ROS1: variants seen among roughly 807,000 people sequenced by gnomAD.
ROS1 encodes the protein ROS proto-oncogene 1, receptor tyrosine kinase.
Under a neutral mutation model 273.5 loss-of-function variants are expected in ROS1, and 263 were observed. The ratio of observed to expected loss-of-function variants is 0.96; its 90% CI spans 0.87 to 1.06. ROS1 has a LOEUF of 1.06. Among genes scored for constraint, ROS1 ranks in the 50% least tolerant of loss-of-function variants. The probability of loss-of-function intolerance (pLI) is 0.00; values close to 1 mark genes in which losing one functional copy is unlikely to be tolerated. For synonymous variants in ROS1, 1,008 were observed against 954.1 expected (o/e 1.06, Z -1.04); for missense variants, 2,833 against 2,751.1 (o/e 1.03, Z -0.67).
At chr6:117,311,478 T>C (rs1001426865) in intron 39 of ROS1, among the ~76,000 whole-genome samples, 2 of 152,146 alleles carry the variant, frequency 1.3e-5, no homozygotes, top group South Asian at 4.1e-4. Context: ...AAATTTCTCA[T>C]GTGTAAAATG....
At chr6:117,308,447 C>T (rs775298918) in intron 42 of ROS1, among the ~76,000 whole-genome samples, 4 of 151,788 alleles carry the variant, frequency 2.6e-5, no homozygotes, top group Non-Finnish European at 5.9e-5. Flanking sequence ...ATCATATCTC[C>T]CAAAATAAAA....
At position 117,326,324 on chromosome 6, in the gene ROS1, G is replaced by T. The variant is rs2128581997; in HGVS notation, c.5439C>A (p.Ser1813=). ...ACTGAAATATTCCTTTCAGGTTTTT[G>T]GACTTCCATGTGCAAACACTACTGC... ...GSCSSVCTWK[S]KNLKGIFQFR... is the part of the protein sequence containing the mutation. Residue 1813 remains serine (S), a synonymous_variant, in exon 34 of 44, where the codon TCC becomes TCA. Transcript: ENST00000368507. 1 of 1,601,494 alleles carries T rather than the reference G, an allele frequency of 6.2e-7. No homozygotes were observed. Among genetic ancestry groups the T allele is most frequent in the East Asian group, 2.3e-5 (1 of 43,918 alleles).
At chr6:117,297,806 T>C (rs188091680) in intron 43 of ROS1, among the ~76,000 whole-genome samples, 24 of 152,268 alleles carry the variant, frequency 1.6e-4, no homozygotes, top group Admixed American at 1.6e-3. Context: ...CGGAAAACAG[T>C]ATGGAGATTT....
intron 37 of ROS1, 117 bp downstream of exon 37, chr6:117,319,751 C>T: frequency 2.3e-6 from 2 of 870,398 alleles, no homozygotes; most frequent in Admixed American, 4.7e-5. Flanking sequence ...TAGGCTTCGA[C>T]ATTCAACCAG....
intron 2 of ROS1, 139 bp from the exon 3 acceptor site, chr6:117,416,456 C>T (rs540600024): frequency 7.8e-6 from 5 of 641,674 alleles, no homozygotes; most frequent in Non-Finnish European, 1.4e-5. Context: ...CTGAGGCCTC[C>T]AAAAGATCCA....
chr6:117,289,220 T>A (rs1057466127), intron 43 of ROS1, among the ~76,000 whole-genome samples: 1 of 152,226 alleles, frequency 6.6e-6, no homozygotes, highest in Non-Finnish European at 1.5e-5. Context: ...CCACAGCAAC[T>A]GAAATATCTA....
At chr6:117,332,092 T>C (rs1777115309) in intron 32 of ROS1, among the ~76,000 whole-genome samples, 1 of 150,812 alleles carries the variant, frequency 6.6e-6, no homozygotes, top group South Asian at 2.1e-4. Flanking sequence ...ATTCAGGAGA[T>C]CTATCTTACA....
chr6:117,359,168 G>A (rs1417754823), intron 24 of ROS1, among the ~76,000 whole-genome samples: 1 of 152,046 alleles, frequency 6.6e-6, no homozygotes, highest in East Asian at 1.9e-4. Flanking sequence ...TTGTTTCCAA[G>A]ATGTTTTTCC....
In ROS1 at chr6:117,396,951, A is replaced by T. The variant is rs759261834; in HGVS notation, c.770T>A (p.Phe257Tyr). The change falls in exon 8 of 44, where the codon TTC (phenylalanine) becomes TAC (tyrosine). Residue 257 changes from phenylalanine (F) to tyrosine (Y), a missense_variant. Coordinates refer to ENST00000368507, the MANE Select transcript of ROS1 (RefSeq NM_001378902.1). ...ATTTGGTAAAGTGGAGTAAAACTGG[A>T]AACTGGTTCTCTGTGTCCCTGCATC... ...KLDAGTQRTS[F>Y]QFYSTLPNTI... The T allele has an allele frequency of 3.1e-6, 5 of 1,614,108 alleles. No individual in the cohort carries two copies. The highest frequency in any genetic ancestry group is 4.2e-6 in the Non-Finnish European group (5 of 1,179,942).
At chr6:117,353,613 G>A (rs1779061261) in intron 26 of ROS1, among the ~76,000 whole-genome samples, 1 of 152,172 alleles carries the variant, frequency 6.6e-6, no homozygotes, top group Admixed American at 6.5e-5. Context: ...TATCAACTTT[G>A]CAGATAATAA....
rs1332810942 is a variant in ROS1, at chr6:117,356,612, A to G, written c.4126+17T>C. ...CTCTTATTAACAAATATCTGTGCAC[A>G]TACATCAGCATCTTACCGAGCATAG... On this transcript the variant is annotated intron_variant, in intron 26 of 43. Transcript: ENST00000368507. The G allele has an allele frequency of 2.5e-6, 4 of 1,599,510 alleles. No individual in the cohort carries two copies. In the Admixed American group the frequency reaches 5.1e-5, roughly 20 times the overall value.
rs1774687631 is a variant in ROS1 at position 117,301,098 on chromosome 6, G to T, written c.6591C>A (p.Asp2197Glu). ...LMTQCWAQEP[D>E]QRPTFHRIQD... ...GAATTCTATGAAAAGTAGGTCTTTGGTCGGGTTCTTGAGCCCAGCACTGGG... is the reference window on the plus strand; with the variant it reads ...GAATTCTATGAAAAGTAGGTCTTTGTTCGGGTTCTTGAGCCCAGCACTGGG... Residue 2197 changes from aspartate (D) to glutamate (E), a missense_variant, in exon 43 of 44, where the codon GAC (aspartate) becomes GAA (glutamate). Asp to Glu is a conservative substitution (Grantham distance 45, BLOSUM62 2). Coordinates refer to ENST00000368507, the MANE Select transcript of ROS1 (RefSeq NM_001378902.1). The T allele has an allele frequency of 2.5e-6, 4 of 1,600,906 alleles. No homozygotes were observed. The highest frequency in any genetic ancestry group is 1.3e-5 in the African/African-American group (1 of 74,596).
At chr6:117,327,059 T>A (rs975139886) in intron 33 of ROS1, among the ~76,000 whole-genome samples, 1 of 152,230 alleles carries the variant, frequency 6.6e-6, no homozygotes, top group Non-Finnish European at 1.5e-5. Flanking sequence ...TCTTCCATTA[T>A]GTCTTCTCTA....
At chr6:117,298,848 A>G (rs532941264) in intron 43 of ROS1, among the ~76,000 whole-genome samples, 1 of 152,364 alleles carries the variant, frequency 6.6e-6, no homozygotes, top group East Asian at 1.9e-4. Flanking sequence ...CCAGATCAGT[A>G]AGTGTTGAAA....
At chr6:117,328,835 T>A (rs377510355) in intron 33 of ROS1, 62 of 613,040 alleles carry the variant, frequency 1.0e-4, no homozygotes, top group African/African-American at 9.7e-4. Flanking sequence ...TTGCAAACTG[T>A]AATCTTCCCA....
intron 27 of ROS1, among the ~76,000 whole-genome samples, chr6:117,346,693 C>G (rs1409060481): frequency 6.6e-6 from 1 of 152,084 alleles, no homozygotes; most frequent in Non-Finnish European, 1.5e-5. Flanking sequence ...CCCCCATTAT[C>G]AATACCCCTA....
rs182326362 is a variant in ROS1 at position 117,352,047 on chromosome 6, G to A, written c.4303+943C>T. On this transcript the variant is annotated intron_variant, in intron 27 of 43. Coordinates refer to ENST00000368507, the MANE Select transcript of ROS1 (RefSeq NM_001378902.1). ...ATATTTGCACCTTAGTGGCAAAGAC[G>A]GCTTTGACAAAATACCAATGAGGCC... is the stretch of plus-strand genomic sequence containing the variant. 4.0e-3 allele frequency among the ~76,000 whole-genome samples: 612 copies of A among 152,138 alleles called. 2 individuals carry two copies. The highest frequency in any genetic ancestry group is 6.7e-3 in the Non-Finnish European group (457 of 68,014).
At chr6:117,409,317 G>T (rs1774706765) in intron 5 of ROS1, among the ~76,000 whole-genome samples, 1 of 152,154 alleles carries the variant, frequency 6.6e-6, no homozygotes, top group Non-Finnish European at 1.5e-5. Flanking sequence ...AGAAGTGAGT[G>T]TACCTACTGA....
chr6:117,376,411 C>CT (rs1781332924), intron 18 of ROS1, among the ~76,000 whole-genome samples: 1 of 152,060 alleles, frequency 6.6e-6, no homozygotes, highest in Non-Finnish European at 1.5e-5. Context: ...AGCTTGTGGA[C>CT]TTTATCAAAA....
Sources: gnomAD v4.1 joint callset for allele counts (sites outside exome capture counted in the v4.1 genomes callset) on GRCh38, gnomAD v4.1.1 for gene constraint, MANE v1.5 for transcripts, NCBI Gene and HGNC (gene_info 2026-07-23, HGNC 2026-07-21) for gene names.